The following ADGRL2 variants were observed in gnomAD, a reference collection of about 807,000 sequenced individuals.
ADGRL2 encodes calcium-independent alpha-latrotoxin receptor 2.
Under a neutral mutation model 157.4 loss-of-function variants are expected in ADGRL2, and 44 were observed. The ratio of observed to expected loss-of-function variants is 0.28; its 90% CI spans 0.22 to 0.36. ADGRL2 has a LOEUF of 0.36. Ranked by LOEUF, ADGRL2 falls within the 10% of genes least tolerant of loss-of-function variation. ADGRL2 has a pLI of 1.00. For missense variants in ADGRL2, 1,510 were observed against 1,768.9 expected (o/e 0.85, Z 2.63); for synonymous variants, 585 against 624.7 (o/e 0.94, Z 0.95).
At chr1:81,501,854 A>T (rs6663514) in intron 2 of ADGRL2, 1 of 1,598,144 alleles carries the variant, frequency 6.3e-7, no homozygotes, top group Non-Finnish European at 8.5e-7. Context: ...TCCTCTGCAG[A>T]TGGATGCCAG....
At chr1:81,935,489 A>G (rs995363013) in intron 3 of ADGRL2, among the ~76,000 whole-genome samples, 1 of 151,954 alleles carries the variant, frequency 6.6e-6, no homozygotes. Context: ...AAATGGCACC[A>G]AAGTATACGA....
intron 3 of ADGRL2, among the ~76,000 whole-genome samples, chr1:81,664,741 C>T (rs1290186343): frequency 2.6e-5 from 4 of 152,124 alleles, no homozygotes; most frequent in African/African-American, 9.7e-5. Flanking sequence ...TATAGCATTG[C>T]AATATTATTT....
At chr1:81,617,994 C>T (rs1340463853) in intron 3 of ADGRL2, among the ~76,000 whole-genome samples, 1 of 152,038 alleles carries the variant, frequency 6.6e-6, no homozygotes. Context: ...TTATAGCCCT[C>T]TTTTGTTTTC....
chr1:81,502,738 G>A, intron 2 of ADGRL2: 4 of 1,613,816 alleles, frequency 2.5e-6, no homozygotes, highest in Non-Finnish European at 3.4e-6. Flanking sequence ...GCTCCAGGCA[G>A]CAATTGATGG....
chr1:81,715,279 G>A (rs999719869), intron 1 of ADGRL2, among the ~76,000 whole-genome samples: 28 of 151,002 alleles, frequency 1.9e-4, no homozygotes, highest in African/African-American at 6.3e-4. Context: ...ACAAACAGAT[G>A]GGTTTTTCTT....
At chr1:81,915,739 T>G (rs1194549816) in intron 3 of ADGRL2, among the ~76,000 whole-genome samples, 1 of 152,176 alleles carries the variant, frequency 6.6e-6, no homozygotes, top group Non-Finnish European at 1.5e-5. Context: ...TTTGCTTCAG[T>G]TTTTATTTTT....
intron 2 of ADGRL2, among the ~76,000 whole-genome samples, chr1:81,468,896 G>A (rs2078114115): frequency 6.6e-6 from 1 of 152,188 alleles, no homozygotes; most frequent in Non-Finnish European, 1.5e-5. Context: ...AAAGTAAACT[G>A]TGAGGGAGCC....
chr1:81,834,404 G>C (rs532329499), intron 1 of ADGRL2, among the ~76,000 whole-genome samples: 2 of 152,244 alleles, frequency 1.3e-5, no homozygotes, highest in South Asian at 2.1e-4. Flanking sequence ...AATGTTAGCT[G>C]TTATCTATGC....
At chr1:81,665,757 A>G (rs1336987771) in intron 3 of ADGRL2, among the ~76,000 whole-genome samples, 2 of 152,112 alleles carry the variant, frequency 1.3e-5, no homozygotes, top group Admixed American at 1.3e-4. Context: ...GGTACCTTCC[A>G]TTTCTAGGAT....
At chr1:81,955,178 A>C (rs1211002614) in intron 10 of ADGRL2, among the ~76,000 whole-genome samples, 1 of 152,154 alleles carries the variant, frequency 6.6e-6, no homozygotes, top group Non-Finnish European at 1.5e-5. Flanking sequence ...GTTTTCTCTA[A>C]CTTATCAGTA....
chr1:81,764,645 G>A (rs942868843), intron 2 of ADGRL2, among the ~76,000 whole-genome samples: 1 of 152,114 alleles, frequency 6.6e-6, no homozygotes, highest in African/African-American at 2.4e-5. Context: ...GAGTTAAAGA[G>A]TATTTTCAGC....
At chr1:81,897,677 A>T (rs1432871976) in intron 2 of ADGRL2, among the ~76,000 whole-genome samples, 1 of 152,174 alleles carries the variant, frequency 6.6e-6, no homozygotes, top group East Asian at 1.9e-4. Context: ...TTTTTACCTT[A>T]GAGCATCTAG....
chr1:81,379,840 A>C (rs1252801988), intron 1 of ADGRL2, among the ~76,000 whole-genome samples: 1 of 152,080 alleles, frequency 6.6e-6, no homozygotes, highest in Non-Finnish European at 1.5e-5. Context: ...GGCATGGTGG[A>C]CCAGAGTGCT....
chr1:81,522,011 C>G (rs1415251795), intron 2 of ADGRL2, among the ~76,000 whole-genome samples: 1 of 148,872 alleles, frequency 6.7e-6, no homozygotes, highest in African/African-American at 2.5e-5. Context: ...GTCACCCAGG[C>G]TGGAGTGCAG....
At chr1:81,935,243 A>G (rs1391036791) in intron 3 of ADGRL2, among the ~76,000 whole-genome samples, 1 of 151,980 alleles carries the variant, frequency 6.6e-6, no homozygotes, top group African/African-American at 2.4e-5. Context: ...TATGTTACAG[A>G]AGATTGTGAC....
intron 14 of ADGRL2, 72 bp from the exon 15 acceptor site, chr1:81,969,106 T>G (rs1410889926): frequency 1.9e-6 from 2 of 1,071,088 alleles, no homozygotes; most frequent in Non-Finnish European, 2.8e-6. Context: ...GAGCTGTACA[T>G]GTGAAAGCTG....
At chr1:81,504,299 CCAGCCTTCTTCAGCCTTCTT>C (rs992381168) in intron 2 of ADGRL2, among the ~76,000 whole-genome samples, 2 of 152,118 alleles carry the variant, frequency 1.3e-5, no homozygotes, top group Non-Finnish European at 2.9e-5. Flanking sequence ...CCAGTCCTCC[CCAGCCTTCTTCAGCCTTCTT>C]CAGCCTTCTT....
intron 3 of ADGRL2, among the ~76,000 whole-genome samples, chr1:81,638,383 T>G (rs929146436): frequency 5.3e-5 from 8 of 152,198 alleles, no homozygotes; most frequent in African/African-American, 1.9e-4. Context: ...ATAAAAACTT[T>G]CATTTTTCTT....
intron 1 of ADGRL2, among the ~76,000 whole-genome samples, chr1:81,342,182 T>C (rs1662121228): frequency 6.6e-6 from 1 of 152,174 alleles, no homozygotes; most frequent in South Asian, 2.1e-4. Context: ...AACCAAAATT[T>C]CCCACCTGAA....
Sources: allele counts gnomAD v4.1 joint callset (sites outside exome capture counted in the v4.1 genomes callset), GRCh38; gene constraint gnomAD v4.1.1; transcripts MANE v1.5; gene names NCBI Gene and HGNC (gene_info 2026-07-23, HGNC 2026-07-21).